The following AGAP1 variants were observed in gnomAD, a reference collection of about 807,000 sequenced individuals.
AGAP1 encodes the protein ArfGAP with GTPase domain, ankyrin repeat and PH domain 1.
AGAP1 carries 29 observed loss-of-function variants against 105.3 expected under a neutral mutation model. The observed-to-expected ratio is 0.28, with a 90% CI of 0.21 to 0.38. AGAP1 has a LOEUF of 0.38. Ranked by LOEUF, AGAP1 falls within the 10% of genes least tolerant of loss-of-function variation. The pLI, the probability that AGAP1 is intolerant of heterozygous loss-of-function variation, is 1.00. For synonymous variants in AGAP1, 509 were observed against 485.9 expected, an observed-to-expected ratio of 1.05 and a Z score of -0.63; for missense variants, 998 against 1,165.1, an observed-to-expected ratio of 0.86 and a Z score of 2.09.
chr2:235,778,390 G>T (rs373277021), intron 6 of AGAP1, among the ~76,000 whole-genome samples: 1 of 152,194 alleles, frequency 6.6e-6, no homozygotes, highest in Non-Finnish European at 1.5e-5. Context: ...CATCTCTTTA[G>T]TGTCTTTCTC....
chr2:235,764,696 GGTGGGGGCATCTGGGAGCGCCC>G (rs1954774043), intron 6 of AGAP1, among the ~76,000 whole-genome samples: 1 of 149,216 alleles, frequency 6.7e-6, no homozygotes, highest in Non-Finnish European at 1.5e-5. Context: ...GCGCCCGTGG[GGTGGGGGCATCTGGGAGCGCCC>G]GTGGGGTGGG....
At chr2:235,514,936 A>G (rs984728013) in intron 1 of AGAP1, among the ~76,000 whole-genome samples, 2 of 152,346 alleles carry the variant, frequency 1.3e-5, no homozygotes. Context: ...AGGGGCCTGC[A>G]GCCGTATTGG....
At position 236,121,546 on chromosome 2, in the gene AGAP1, G is replaced by A. The variant is rs1358920906; in HGVS notation, c.2370+1099G>A. ...GAGCTCCTGACCTCGTGATCCACCCGCCTCGGCCTCCCAAAGTGCTGGGAG... is the reference window on the plus strand; with the variant it reads ...GAGCTCCTGACCTCGTGATCCACCCACCTCGGCCTCCCAAAGTGCTGGGAG... On this transcript the variant is annotated intron_variant, in intron 17 of 17. Coordinates refer to ENST00000304032, the MANE Select transcript of AGAP1 (RefSeq NM_001037131.3). The surrounding 1 kb of genome is among the most constrained non-coding windows in gnomAD (Gnocchi z 4.9). Among the ~76,000 whole-genome samples the A allele has an allele frequency of 2.6e-5, 4 of 152,040 alleles. No homozygotes were observed. Among genetic ancestry groups the A allele is most frequent in the African/African-American group, 9.7e-5 (4 of 41,406 alleles).
rs1249531606 is a variant in AGAP1 at position 236,120,074 on chromosome 2, C to A, written c.2115-118C>A. Reference sequence around the variant, plus strand: ...CAGGGGGCTTTGTGCCGAGTGAAGACCTTTGCTTTCTGTTATTTCACTTCC... The same window carrying A: ...CAGGGGGCTTTGTGCCGAGTGAAGAACTTTGCTTTCTGTTATTTCACTTCC... On this transcript the variant is annotated intron_variant, in intron 16 of 17. Coordinates refer to ENST00000304032, the MANE Select transcript of AGAP1 (RefSeq NM_001037131.3). The surrounding 1 kb of genome is among the most constrained non-coding windows in gnomAD (Gnocchi z 6.0). The A allele has an allele frequency of 7.0e-7, 1 of 1,420,926 alleles. No homozygotes were observed. The highest frequency in any genetic ancestry group is 9.5e-7 in the Non-Finnish European group (1 of 1,048,822). The allele number at this position is 1,420,926 out of a possible 1,614,324, so 88.0% of individuals were successfully genotyped here. A position where few individuals can be genotyped will look rare whatever the true frequency, so the allele number is the denominator to read the frequency against.
At chr2:235,501,106 TC>T (rs1416073351) in intron 1 of AGAP1, among the ~76,000 whole-genome samples, 3 of 152,158 alleles carry the variant, frequency 2.0e-5, no homozygotes, top group African/African-American at 7.2e-5. Context: ...ATTCCTTAGC[TC>T]AGAACCCCGA....
rs1002867672 is a variant in AGAP1, at chr2:235,714,082, C to T, written c.223-3475C>T. Among the ~76,000 whole-genome samples the T allele has an allele frequency of 6.6e-6, 1 of 152,098 alleles. No homozygotes were observed. Among genetic ancestry groups the T allele is most frequent in the African/African-American group, 2.4e-5 (1 of 41,422 alleles). Reference sequence around the variant, plus strand: ...AGGCTGGAGTGCGGTGGTGCAATCTCAGCTCACTGCAACCTCTGCCTCCCG... The same window carrying T: ...AGGCTGGAGTGCGGTGGTGCAATCTTAGCTCACTGCAACCTCTGCCTCCCG... On this transcript the variant is annotated intron_variant, in intron 2 of 17. Coordinates refer to ENST00000304032, the MANE Select transcript of AGAP1 (RefSeq NM_001037131.3). This position sits in a 1 kb window ranked among gnomAD's most constrained non-coding sequence, Gnocchi z 4.1.
In AGAP1 at chr2:235,660,759, T is replaced by C. The variant is rs1204709286; in HGVS notation, c.164-48420T>C. Among the ~76,000 whole-genome samples the C allele has an allele frequency of 6.6e-6, 1 of 152,122 alleles. No individual in the cohort carries two copies. The highest frequency in any genetic ancestry group is 2.4e-5 in the African/African-American group (1 of 41,416). The stretch of plus-strand genomic sequence containing the variant: ...TGCAATAGAAACAACCTCTGTTGGT[T>C]TTCAGCATTGGAGCAGATGCTCCCC... On this transcript the variant is annotated intron_variant, in intron 1 of 17. Transcript: ENST00000304032. This position sits in a 1 kb window ranked among gnomAD's most constrained non-coding sequence, Gnocchi z 5.3.
chr2:235,780,125 C>T lies in AGAP1; in HGVS notation c.674-17634C>T, dbSNP rs1036305254. Among the ~76,000 whole-genome samples, 14 of 152,258 alleles carry T rather than the reference C, an allele frequency of 9.2e-5. No homozygotes were observed. In the South Asian group the frequency reaches 2.9e-3, roughly 32 times the overall value. On this transcript the variant is annotated intron_variant, in intron 6 of 17. Coordinates refer to ENST00000304032, the MANE Select transcript of AGAP1 (RefSeq NM_001037131.3). ...CTGGGGGGGGCTGCCCCTCCCACCT[C>T]CACCCCTACCTCCTGTTTTCACCAT... is the stretch of plus-strand genomic sequence containing the variant.
intron 16 of AGAP1, among the ~76,000 whole-genome samples, chr2:236,052,178 C>G (rs1249880235): frequency 6.6e-6 from 1 of 152,100 alleles, no homozygotes; most frequent in Non-Finnish European, 1.5e-5. Flanking sequence ...AAGGAAAAGC[C>G]AAGTGCAATA....
At position 235,931,235 on chromosome 2, in the gene AGAP1, C is replaced by T. The variant is rs567498874; in HGVS notation, c.1483+312C>T. Among the ~76,000 whole-genome samples the T allele has an allele frequency of 6.6e-6, 1 of 152,284 alleles. No individual in the cohort carries two copies. The highest frequency in any genetic ancestry group is 1.5e-5 in the Non-Finnish European group (1 of 68,034). ...ACCCAGGGTCACGTGACAGAAGTGG[C>T]AGCGCTGAGAAATAAGATCTGATTT... On this transcript the variant is annotated intron_variant, in intron 12 of 17. Transcript: ENST00000304032. The surrounding 1 kb of genome is among the most constrained non-coding windows in gnomAD (Gnocchi z 5.6).
At chr2:236,032,810 G>C (rs1177974885) in intron 13 of AGAP1, among the ~76,000 whole-genome samples, 1 of 152,164 alleles carries the variant, frequency 6.6e-6, no homozygotes, top group Non-Finnish European at 1.5e-5. Context: ...GAGGGGACCA[G>C]GTAAAGGATG....
chr2:235,966,288 CTG>C (rs1173525038), intron 12 of AGAP1, among the ~76,000 whole-genome samples: 1 of 137,186 alleles, frequency 7.3e-6, no homozygotes, highest in African/African-American at 2.8e-5. Flanking sequence ...GCCTGTTCCT[CTG>C]GGGATGGAGA....
chr2:235,585,077 T>A (rs1413062495), intron 1 of AGAP1, among the ~76,000 whole-genome samples: 2 of 152,084 alleles, frequency 1.3e-5, no homozygotes, highest in Non-Finnish European at 2.9e-5. Flanking sequence ...CTGGCCTTTT[T>A]CTTTAGCTCT....
rs1553555070 is a variant in AGAP1 at position 235,512,095 on chromosome 2, G to GTGTGTGAGTA, written c.163+17252_163+17253insAGTATGTGTG. 2.7e-3 allele frequency among the ~76,000 whole-genome samples: 388 copies of GTGTGTGAGTA among 143,636 alleles called. 3 individuals carry two copies. Among genetic ancestry groups the GTGTGTGAGTA allele is most frequent in the African/African-American group, 9.7e-3 (372 of 38,438 alleles). 94.2% of individuals were successfully genotyped at this position (143,636 alleles called of 152,430 possible). ...AATGTGAATGCGTGTGTGAATGTGTGTGTGTGTGAATGTGTGTGTGTGTGG... is the reference window on the plus strand; with the variant it reads ...AATGTGAATGCGTGTGTGAATGTGTGTGTGTGAGTATGTGTGTGAATGTGTGTGTGTGTGG... On this transcript the variant is annotated intron_variant, in intron 1 of 17. Coordinates refer to ENST00000304032, the MANE Select transcript of AGAP1 (RefSeq NM_001037131.3).
At chr2:235,526,965 G>C (rs907082425) in intron 1 of AGAP1, among the ~76,000 whole-genome samples, 4 of 152,188 alleles carry the variant, frequency 2.6e-5, no homozygotes, top group Admixed American at 2.0e-4. Context: ...CCAAAGTTTT[G>C]GGGTGGAGGC....
chr2:235,952,371 A>G (rs2053775360), intron 12 of AGAP1, among the ~76,000 whole-genome samples: 1 of 151,614 alleles, frequency 6.6e-6, no homozygotes, highest in Non-Finnish European at 1.5e-5. Context: ...AAAAAATTTC[A>G]TCAGCCAAAT....
At chr2:235,571,741 A>G (rs1196592095) in intron 1 of AGAP1, among the ~76,000 whole-genome samples, 3 of 151,948 alleles carry the variant, frequency 2.0e-5, no homozygotes, top group African/African-American at 7.2e-5. Context: ...TCAGTGCTCA[A>G]TGAAGGGAAA....
chr2:236,061,712 C>T lies in AGAP1; in HGVS notation c.2114+12431C>T, dbSNP rs1008040621. Among the ~76,000 whole-genome samples, 4 of 151,684 alleles carry T rather than the reference C, an allele frequency of 2.6e-5. No individual in the cohort carries two copies. Among genetic ancestry groups the T allele is most frequent in the Non-Finnish European group, 4.4e-5 (3 of 67,948 alleles). ...GGTGCAGGGGAGGGAGGGGCAGTGG[C>T]GTATACGGAGTGATTGCCTAATGAG... On this transcript the variant is annotated intron_variant, in intron 16 of 17. Coordinates refer to ENST00000304032, the MANE Select transcript of AGAP1 (RefSeq NM_001037131.3). The surrounding 1 kb of genome is among the most constrained non-coding windows in gnomAD (Gnocchi z 4.1).
At position 235,599,727 on chromosome 2, in the gene AGAP1, G is replaced by T. The variant is rs978168875; in HGVS notation, c.163+104878G>T. 2.6e-5 allele frequency among the ~76,000 whole-genome samples: 4 copies of T among 152,110 alleles called. No homozygotes were observed. Among genetic ancestry groups the T allele is most frequent in the Non-Finnish European group, 5.9e-5 (4 of 68,026 alleles). On this transcript the variant is annotated intron_variant, in intron 1 of 17. Coordinates refer to ENST00000304032, the MANE Select transcript of AGAP1 (RefSeq NM_001037131.3). The surrounding 1 kb of genome is among the most constrained non-coding windows in gnomAD (Gnocchi z 5.3). ...CTCCAGTGCCCTTTCTGGGTCCCAC[G>T]TGATTCTACCTGATCGCTGGCTCTC...
Sources: gnomAD v4.1 joint callset for allele counts (sites outside exome capture counted in the v4.1 genomes callset) on GRCh38, gnomAD v4.1.1 for gene constraint, Gnocchi (gnomAD v3.1) non-coding constraint, MANE v1.5 for transcripts, NCBI Gene and HGNC (gene_info 2026-07-23, HGNC 2026-07-21) for gene names.